The following DCTN5 variants were observed in gnomAD, a reference collection of about 807,000 sequenced individuals.
DCTN5 encodes the protein dynactin 4.
In DCTN5, 14 loss-of-function variants were observed where a neutral mutation model predicts 23.5. The observed-to-expected ratio is 0.60, with a 90% CI of 0.39 to 0.93. DCTN5 has a LOEUF of 0.93. Among genes scored for constraint, DCTN5 ranks in the 40% least tolerant of loss-of-function variants. The pLI, the probability that DCTN5 is intolerant of heterozygous loss-of-function variation, is 0.00. For synonymous variants in DCTN5, 67 were observed against 79.6 expected, an observed-to-expected ratio of 0.84 and a Z score of 0.84; for missense variants, 156 against 225.9, an observed-to-expected ratio of 0.69 and a Z score of 1.98.
Position 23,645,110 on chromosome 16 carries a change from TATATATATATATATATATA to T in DCTN5, c.117+2088_117+2106del, listed in dbSNP as rs1324520930. Reference sequence around the variant, plus strand: ...ATATATATATATATATATATATATATATATATATATATATATATATATATATATTTTTTTTTTTTTTAAT... The same window carrying T: ...ATATATATATATATATATATATATATTATATATATTTTTTTTTTTTTTAAT... On this transcript the variant is annotated intron_variant, in intron 2 of 5. Transcript: ENST00000300087. Among the ~76,000 whole-genome samples the T allele has an allele frequency of 7.3e-3, 290 of 39,552 alleles. 29 individuals are homozygous for T. Among genetic ancestry groups the T allele is most frequent in the Admixed American group, 0.052 (183 of 3,526 alleles). 25.9% of individuals were successfully genotyped at this position (39,552 alleles called of 152,430 possible).
Position 23,667,295 on chromosome 16 carries a change from A to G in DCTN5, c.*151A>G. On this transcript the variant is annotated 3_prime_UTR_variant, in exon 6 of 6. Transcript: ENST00000300087. ...TTTCTTTAGAATTTCTCAATCTTCA[A>G]GGCTCTAAGTGCTTAAGAATTCACT... The G allele has an allele frequency of 9.6e-6, 9 of 941,678 alleles. No homozygotes were observed. Among genetic ancestry groups the G allele is most frequent in the Non-Finnish European group, 1.4e-5 (9 of 638,754 alleles). 58.3% of individuals were successfully genotyped at this position (941,678 alleles called of 1,614,324 possible).
chr16:23,645,561 C>A lies in DCTN5; in HGVS notation c.117+2538C>A, dbSNP rs138219882. On this transcript the variant is annotated intron_variant, in intron 2 of 5. Coordinates refer to ENST00000300087, the MANE Select transcript of DCTN5 (RefSeq NM_032486.4). The stretch of plus-strand genomic sequence containing the variant: ...CACATTAAGGAATACACGCCCATTC[C>A]CTACTTCCTTCCATTGCTGATAGCC... Among the ~76,000 whole-genome samples, 706 of 152,310 alleles carry A rather than the reference C, an allele frequency of 4.6e-3. 5 individuals carry two copies. The highest frequency in any genetic ancestry group is 6.4e-3 in the Non-Finnish European group (434 of 68,026).
At chr16:23,658,071 CA>C (rs1239772381) in intron 2 of DCTN5, among the ~76,000 whole-genome samples, 1 of 152,174 alleles carries the variant, frequency 6.6e-6, no homozygotes, top group African/African-American at 2.4e-5. Context: ...ACCAGAACTC[CA>C]GTGGGTCCAC....
chr16:23,654,667 C>G (rs1967667289), intron 2 of DCTN5, among the ~76,000 whole-genome samples: 1 of 152,194 alleles, frequency 6.6e-6, no homozygotes, highest in Non-Finnish European at 1.5e-5. Context: ...TTACTGTAAA[C>G]TGTAGTCACC....
At chr16:23,642,803 T>A (rs1967325579) in intron 1 of DCTN5, 152 bp from the exon 2 acceptor site, 2 of 639,796 alleles carry the variant, frequency 3.1e-6, no homozygotes, top group African/African-American at 1.8e-5. Context: ...TCCTAATCCA[T>A]CATTGCTTTT....
intron 2 of DCTN5, among the ~76,000 whole-genome samples, chr16:23,644,283 A>G (rs542230566): frequency 6.9e-6 from 1 of 144,362 alleles, no homozygotes; most frequent in Non-Finnish European, 1.5e-5. Flanking sequence ...TCCCGCCATC[A>G]TGCCCACCTA....
chr16:23,669,034 A>T lies in DCTN5; in HGVS notation c.*1890A>T, dbSNP rs1371263763. Reference sequence around the variant, plus strand: ...TAATTATGTGCTGATGTATTCGAAGATGTGTTGACAGTCGTGAGTGTGTAT... The same window carrying T: ...TAATTATGTGCTGATGTATTCGAAGTTGTGTTGACAGTCGTGAGTGTGTAT... On this transcript the variant is annotated 3_prime_UTR_variant, in exon 6 of 6. Coordinates refer to ENST00000300087, the MANE Select transcript of DCTN5 (RefSeq NM_032486.4). 1 of 152,652 alleles carries T rather than the reference A, an allele frequency of 6.6e-6. No homozygotes were observed. The highest frequency in any genetic ancestry group is 1.5e-5 in the Non-Finnish European group (1 of 68,046). The allele number at this position is 152,652 out of a possible 1,614,324, so 9.5% of individuals were successfully genotyped here.
intron 5 of DCTN5, chr16:23,666,759 A>T (rs770457253): frequency 2.1e-6 from 1 of 481,736 alleles, no homozygotes; most frequent in Non-Finnish European, 3.7e-6. Flanking sequence ...GAACAAAATC[A>T]TCACTCAGAT....
At chr16:23,651,105 A>AT in intron 2 of DCTN5, 2 of 1,322,040 alleles carry the variant, frequency 1.5e-6, no homozygotes, top group Non-Finnish European at 1.9e-6. Flanking sequence ...GCTAAAAAAA[A>AT]TTAAAAGAAA....
intron 2 of DCTN5, among the ~76,000 whole-genome samples, chr16:23,654,949 G>C (rs1361914034): frequency 6.6e-6 from 1 of 152,104 alleles, no homozygotes; most frequent in African/African-American, 2.4e-5. Context: ...TTTTATGACT[G>C]AATAATATTC....
rs374895656 is a variant in DCTN5, at chr16:23,646,844, G to A, written c.117+3821G>A. Among the ~76,000 whole-genome samples, 93 of 152,224 alleles carry A rather than the reference G, an allele frequency of 6.1e-4. 2 individuals carry two copies. Among genetic ancestry groups the A allele is most frequent in the African/African-American group, 2.1e-3 (89 of 41,562 alleles). ...GCCAGCCTCGGCGTCCCAAAGTGCC[G>A]GGATTACAGGCGTGAACCACTGTAC... On this transcript the variant is annotated intron_variant, in intron 2 of 5. Coordinates refer to ENST00000300087, the MANE Select transcript of DCTN5 (RefSeq NM_032486.4).
rs543534123 is a variant in DCTN5 at position 23,674,826 on chromosome 16, G to C, written c.*7682G>C. 6.6e-6 allele frequency: 1 copy of C among 152,298 alleles called. No homozygotes were observed. Among genetic ancestry groups the C allele is most frequent in the East Asian group, 1.9e-4 (1 of 5,174 alleles). The allele number at this position is 152,298 out of a possible 1,614,324, so 9.4% of individuals were successfully genotyped here. ...TTATTTTCCTGCAGTTCTGGAGGCT[G>C]AAAGTCCAGGACAAGGTGTCGACAG... On this transcript the variant is annotated 3_prime_UTR_variant, in exon 6 of 6. Coordinates refer to ENST00000300087, the MANE Select transcript of DCTN5 (RefSeq NM_032486.4).
Position 23,667,262 on chromosome 16 carries a change from T to C in DCTN5, c.*118T>C, listed in dbSNP as rs1967924850. On this transcript the variant is annotated 3_prime_UTR_variant, in exon 6 of 6. Transcript: ENST00000300087. ...TTTGACATCTACCACCCTCCTCCTT[T>C]TAAAAAATTTCTTTAGAATTTCTCA... 1.5e-6 allele frequency: 2 copies of C among 1,304,716 alleles called. No homozygotes were observed. Among genetic ancestry groups the C allele is most frequent in the Admixed American group, 2.3e-5 (1 of 42,570 alleles). The allele number at this position is 1,304,716 out of a possible 1,614,324, so 80.8% of individuals were successfully genotyped here.
chr16:23,655,225 A>G (rs1367370438), intron 2 of DCTN5, among the ~76,000 whole-genome samples: 4 of 152,156 alleles, frequency 2.6e-5, no homozygotes, highest in African/African-American at 9.7e-5. Flanking sequence ...AAAAGTAGAG[A>G]GGATATATAA....
At chr16:23,652,179 T>G (rs1356868583) in intron 2 of DCTN5, among the ~76,000 whole-genome samples, 1 of 152,244 alleles carries the variant, frequency 6.6e-6, no homozygotes, top group East Asian at 1.9e-4. Flanking sequence ...AGTCTGTTTC[T>G]TTTTTGGTAT....
chr16:23,650,551 C>G (rs1348317819), intron 2 of DCTN5, among the ~76,000 whole-genome samples: 2 of 149,852 alleles, frequency 1.3e-5, no homozygotes, highest in African/African-American at 4.9e-5. Flanking sequence ...GTCTTGAACT[C>G]CTGACCTCAG....
chr16:23,651,142 AAACAATACAG>A, intron 2 of DCTN5: 1 of 1,239,852 alleles, frequency 8.1e-7, no homozygotes. Context: ...TGCATGAGCC[AAACAATACAG>A]GTTTGCAAGT....
In DCTN5 at chr16:23,668,801, T is replaced by C. The variant is rs1967953506; in HGVS notation, c.*1657T>C. On this transcript the variant is annotated 3_prime_UTR_variant, in exon 6 of 6. Transcript: ENST00000300087. ...ATCCTCCTAGCTTGGGGGCTCTGAATGAAAGGTTTCTTCCCTTCCAGTTCG... is the reference window on the plus strand; with the variant it reads ...ATCCTCCTAGCTTGGGGGCTCTGAACGAAAGGTTTCTTCCCTTCCAGTTCG... 6.6e-6 allele frequency: 1 copy of C among 152,202 alleles called. No individual in the cohort carries two copies. Among genetic ancestry groups the C allele is most frequent in the Non-Finnish European group, 1.5e-5 (1 of 68,036 alleles). 9.4% of individuals were successfully genotyped at this position (152,202 alleles called of 1,614,324 possible).
At chr16:23,656,425 T>C (rs1028850710) in intron 2 of DCTN5, among the ~76,000 whole-genome samples, 23 of 152,190 alleles carry the variant, frequency 1.5e-4, no homozygotes, top group African/African-American at 5.3e-4. Flanking sequence ...ATATGTCTCT[T>C]AAGTCTCTTT....
Sources: allele counts gnomAD v4.1 joint callset (sites outside exome capture counted in the v4.1 genomes callset), GRCh38; gene constraint gnomAD v4.1.1; transcripts MANE v1.5; gene names NCBI Gene and HGNC (gene_info 2026-07-23, HGNC 2026-07-21).